The following RXFP1 variants were observed in gnomAD, a reference collection of about 807,000 sequenced individuals.
RXFP1 encodes relaxin receptor 1.
In RXFP1, 73 loss-of-function variants were observed where a neutral mutation model predicts 89.8. The ratio of observed to expected loss-of-function variants is 0.81; its 90% confidence interval spans 0.67 to 0.99. The LOEUF is 0.99. RXFP1 is among the 50% of genes least tolerant of loss of function. The pLI, the probability that RXFP1 is intolerant of heterozygous loss-of-function variation, is 0.00. For missense variants in RXFP1, 793 were observed against 895.5 expected (o/e 0.89, Z 1.46); for synonymous variants, 277 against 305.5 (o/e 0.91, Z 0.97).
At chr4:158,582,067 T>A (rs561930718) in intron 2 of RXFP1, among the ~76,000 whole-genome samples, 1 of 152,296 alleles carries the variant, frequency 6.6e-6, no homozygotes, top group South Asian at 2.1e-4. Context: ...AGCATTAATC[T>A]ATTCATGAGT....
rs530411518 is a variant in RXFP1, at chr4:158,522,417, G to A, written c.49+392G>A. 1.1e-4 allele frequency among the ~76,000 whole-genome samples: 17 copies of A among 152,210 alleles called. No homozygotes were observed. The East Asian group carries it at 2.7e-3, about 24-fold the overall frequency. On this transcript the variant is annotated intron_variant, in intron 1 of 17. Coordinates refer to ENST00000307765, the MANE Select transcript of RXFP1 (RefSeq NM_021634.4). ...TTCTGTATAGTTGTAATGCTCTGTCGCCCTTATTCTTTGTCATTTGCTATC... is the reference window on the plus strand; with the variant it reads ...TTCTGTATAGTTGTAATGCTCTGTCACCCTTATTCTTTGTCATTTGCTATC...
At chr4:158,612,506 C>G (rs1010018949) in intron 8 of RXFP1, 144 bp downstream of exon 8, 1 of 582,222 alleles carries the variant, frequency 1.7e-6, no homozygotes, top group Admixed American at 3.2e-5. Flanking sequence ...TAATCATATT[C>G]TATAAGGCTA....
intron 11 of RXFP1, 121 bp downstream of exon 11, chr4:158,628,830 A>G (rs1767452150): frequency 2.2e-6 from 1 of 464,418 alleles, no homozygotes; most frequent in African/African-American, 2.0e-5. Flanking sequence ...AGCATTATTT[A>G]CATATATACA....
At chr4:158,577,228 G>A (rs377720776) in intron 2 of RXFP1, among the ~76,000 whole-genome samples, 3 of 152,072 alleles carry the variant, frequency 2.0e-5, no homozygotes, top group East Asian at 3.9e-4. Context: ...TAGTATTGAT[G>A]GGGTTTCACC....
intron 1 of RXFP1, among the ~76,000 whole-genome samples, chr4:158,568,210 C>G (rs1754150052): frequency 6.6e-6 from 1 of 152,212 alleles, no homozygotes; most frequent in African/African-American, 2.4e-5. Flanking sequence ...CTTCTAAGAA[C>G]TGTTAACACT....
intron 9 of RXFP1, among the ~76,000 whole-genome samples, chr4:158,621,805 T>C (rs961006371): frequency 4.6e-5 from 7 of 152,208 alleles, no homozygotes; most frequent in Non-Finnish European, 1.5e-5. Flanking sequence ...AACAGGCATA[T>C]GCAAAAATGT....
intron 1 of RXFP1, among the ~76,000 whole-genome samples, chr4:158,560,173 A>G (rs956835655): frequency 1.3e-5 from 2 of 152,232 alleles, no homozygotes; most frequent in Non-Finnish European, 2.9e-5. Context: ...TTGTCTACAT[A>G]TCAGTCCCAA....
intron 10 of RXFP1, among the ~76,000 whole-genome samples, chr4:158,627,504 G>GGTGTGTGTGTGT (rs35872724): frequency 2.9e-3 from 421 of 143,438 alleles, no homozygotes; most frequent in African/African-American, 0.01. Context: ...TGAGCCTTAG[G>GGTGTGTGTGTGT]GTGTGTGTGT....
intron 8 of RXFP1, 55 bp downstream of exon 8, chr4:158,612,417 A>C: frequency 1.6e-6 from 2 of 1,256,024 alleles, no homozygotes; most frequent in Non-Finnish European, 2.3e-6. Context: ...ATGAATAAAA[A>C]TTAATGCTTA....
chr4:158,638,559 G>A (rs1222017832), intron 13 of RXFP1, among the ~76,000 whole-genome samples: 1 of 152,174 alleles, frequency 6.6e-6, no homozygotes, highest in East Asian at 1.9e-4. Flanking sequence ...TGTAAACTCA[G>A]CACTTTGGGA....
intron 3 of RXFP1, 167 bp from the exon 4 acceptor site, chr4:158,599,159 C>T (rs900704334): frequency 8.6e-6 from 9 of 1,050,890 alleles, no homozygotes; most frequent in Non-Finnish European, 1.2e-5. Flanking sequence ...AAATTAAAAG[C>T]AAACTTTGGA....
intron 2 of RXFP1, among the ~76,000 whole-genome samples, chr4:158,587,078 G>A (rs1015550887): frequency 1.3e-5 from 2 of 152,190 alleles, no homozygotes; most frequent in Non-Finnish European, 2.9e-5. Context: ...CTGGGATGCT[G>A]TCACTTCACC....
intron 2 of RXFP1, among the ~76,000 whole-genome samples, chr4:158,585,470 A>G (rs1758111412): frequency 6.6e-6 from 1 of 152,194 alleles, no homozygotes; most frequent in African/African-American, 2.4e-5. Context: ...GAATCTAACA[A>G]CATGGGGGGA....
chr4:158,582,183 A>G (rs1757500249), intron 2 of RXFP1, among the ~76,000 whole-genome samples: 1 of 152,204 alleles, frequency 6.6e-6, no homozygotes, highest in African/African-American at 2.4e-5. Flanking sequence ...AAACAGCCAA[A>G]CTATAGCAGT....
At chr4:158,562,381 G>A (rs543601386) in intron 1 of RXFP1, among the ~76,000 whole-genome samples, 92 of 150,308 alleles carry the variant, frequency 6.1e-4, no homozygotes, top group Non-Finnish European at 1.1e-3. Context: ...AAAATTAGCC[G>A]GGCGTAGTGG....
intron 11 of RXFP1, among the ~76,000 whole-genome samples, chr4:158,630,681 C>T (rs964193854): frequency 2.6e-5 from 4 of 152,140 alleles, no homozygotes; most frequent in East Asian, 3.9e-4. Flanking sequence ...ATTTGTCTTG[C>T]TAATTATTAG....
chr4:158,597,446 T>A (rs1760846290), intron 3 of RXFP1, among the ~76,000 whole-genome samples: 1 of 152,174 alleles, frequency 6.6e-6, no homozygotes, highest in South Asian at 2.1e-4. Context: ...GCATTACTCG[T>A]CTTTTTTTAT....
At chr4:158,568,195 C>A (rs1021349019) in intron 1 of RXFP1, among the ~76,000 whole-genome samples, 74 of 152,190 alleles carry the variant, frequency 4.9e-4, no homozygotes, top group Admixed American at 4.8e-3. Flanking sequence ...ACTCTAGACT[C>A]GCTGCTTCTA....
intron 1 of RXFP1, among the ~76,000 whole-genome samples, chr4:158,568,346 A>G (rs1754224881): frequency 6.6e-6 from 1 of 152,258 alleles, no homozygotes; most frequent in Non-Finnish European, 1.5e-5. Context: ...ACTGGACATA[A>G]AAAGATAATA....
Sources: gnomAD v4.1 joint callset for allele counts (sites outside exome capture counted in the v4.1 genomes callset) on GRCh38, gnomAD v4.1.1 for gene constraint, MANE v1.5 for transcripts, NCBI Gene and HGNC (gene_info 2026-07-23, HGNC 2026-07-21) for gene names.